The following THADA variants were observed in gnomAD, a reference collection of about 807,000 sequenced individuals.
The protein encoded by THADA is tRNA (32-2'-O)-methyltransferase regulator THADA.
In THADA, 213 loss-of-function variants were observed where a neutral mutation model predicts 219.8. The ratio of observed to expected loss-of-function variants is 0.97; its 90% confidence interval spans 0.87 to 1.09. The LOEUF is 1.09. THADA is among the 50% of genes least tolerant of loss of function. The probability of loss-of-function intolerance (pLI) is 0.00; values close to 1 mark genes in which losing one functional copy is unlikely to be tolerated. For missense variants in THADA, 2,956 were observed against 2,311.3 expected, an observed-to-expected ratio of 1.28 and a Z score of -5.72; for synonymous variants, 1,018 against 828.9, an observed-to-expected ratio of 1.23 and a Z score of -3.92.
intron 21 of THADA, among the ~76,000 whole-genome samples, chr2:43,528,491 G>A (rs1037432637): frequency 3.9e-5 from 6 of 151,984 alleles, no homozygotes; most frequent in African/African-American, 7.3e-5. Context: ...CATGAAATAA[G>A]TACGATCATT....
In THADA at chr2:43,535,168, C is replaced by CTTTTTTT. The variant is rs549879408; in HGVS notation, c.3264+5984_3264+5990dup. Reference sequence around the variant, plus strand: ...GAAATGTCTGTTCAGATCATTTGTCCTTTTTTTTTTTTTTTTTTTTTTTTT... The same window carrying CTTTTTTT: ...GAAATGTCTGTTCAGATCATTTGTCCTTTTTTTTTTTTTTTTTTTTTTTTTTTTTTTT... On this transcript the variant is annotated intron_variant, in intron 21 of 37. Transcript: ENST00000405975. Among the ~76,000 whole-genome samples, 270 of 52,510 alleles carry CTTTTTTT rather than the reference C, an allele frequency of 5.1e-3. 1 individual carries two copies. Among genetic ancestry groups the CTTTTTTT allele is most frequent in the Non-Finnish European group, 6.1e-3 (180 of 29,468 alleles). 34.4% of individuals were successfully genotyped at this position (52,510 alleles called of 152,430 possible).
At chr2:43,419,956 T>C (rs749196364) in intron 28 of THADA, among the ~76,000 whole-genome samples, 14 of 152,264 alleles carry the variant, frequency 9.2e-5, no homozygotes, top group Non-Finnish European at 2.1e-4. Flanking sequence ...CCATTTATTT[T>C]GTGAATTTCC....
intron 26 of THADA, among the ~76,000 whole-genome samples, chr2:43,443,464 G>A (rs1246222720): frequency 1.3e-5 from 2 of 152,126 alleles, no homozygotes; most frequent in African/African-American, 2.4e-5. Flanking sequence ...CTAGTTCACC[G>A]AAACAAGCAA....
At chr2:43,567,773 G>A (rs1291689728) in intron 14 of THADA, among the ~76,000 whole-genome samples, 11 of 152,230 alleles carry the variant, frequency 7.2e-5, no homozygotes, top group Admixed American at 5.9e-4. Context: ...CTAGTGCTGA[G>A]CACACTATCC....
intron 20 of THADA, 41 bp from the exon 21 acceptor site, chr2:43,541,357 T>G: frequency 2.5e-6 from 4 of 1,604,044 alleles, no homozygotes; most frequent in South Asian, 1.1e-5. Flanking sequence ...CCTTGATTAC[T>G]CATATCCCAG....
chr2:43,586,115 A>G lies in THADA; in HGVS notation c.533+286T>C, dbSNP rs1700996719. 2.0e-5 allele frequency among the ~76,000 whole-genome samples: 3 copies of G among 152,020 alleles called. No individual in the cohort carries two copies. In the South Asian group the frequency reaches 6.2e-4, roughly 32 times the overall value. Reference sequence around the variant, plus strand: ...CTCTGTCTCCAAAAAAATAAAAAAAACTATCTGGGTGTGGTGGTGCATGCC... The same window carrying G: ...CTCTGTCTCCAAAAAAATAAAAAAAGCTATCTGGGTGTGGTGGTGCATGCC... On this transcript the variant is annotated intron_variant, in intron 7 of 37. Transcript: ENST00000405975.
At chr2:43,408,925 G>A (rs758447488) in intron 28 of THADA, among the ~76,000 whole-genome samples, 3 of 152,152 alleles carry the variant, frequency 2.0e-5, no homozygotes, top group Non-Finnish European at 4.4e-5. Flanking sequence ...TTGAGCCTCT[G>A]TGGAGTTGGA....
chr2:43,574,291 GCAT>G, intron 11 of THADA, 42 bp downstream of exon 11: 2 of 1,305,552 alleles, frequency 1.5e-6, no homozygotes, highest in South Asian at 1.6e-5. Context: ...CTACATTTAA[GCAT>G]CATAATTAGA....
chr2:43,487,641 G>C (rs1460089061), intron 25 of THADA, among the ~76,000 whole-genome samples: 1 of 152,160 alleles, frequency 6.6e-6, no homozygotes, highest in African/African-American at 2.4e-5. Flanking sequence ...GGTGGTGGAG[G>C]CCCTTGGGAA....
At chr2:43,270,031 C>T (rs1671949619) in intron 36 of THADA, among the ~76,000 whole-genome samples, 1 of 152,296 alleles carries the variant, frequency 6.6e-6, no homozygotes, top group African/African-American at 2.4e-5. Context: ...CCTTACCCCA[C>T]ACCACCCCAT....
intron 36 of THADA, among the ~76,000 whole-genome samples, chr2:43,239,965 G>C (rs1003545793): frequency 3.9e-5 from 6 of 152,238 alleles, no homozygotes; most frequent in Admixed American, 2.0e-4. Context: ...AAACCACCCA[G>C]AAAACCACTC....
chr2:43,462,491 C>G (rs1414291646), intron 26 of THADA, among the ~76,000 whole-genome samples: 1 of 152,026 alleles, frequency 6.6e-6, no homozygotes, highest in Non-Finnish European at 1.5e-5. Context: ...GTTTCAATTT[C>G]AAACTAAAAT....
chr2:43,531,761 G>C (rs555413569), intron 21 of THADA, among the ~76,000 whole-genome samples: 1 of 152,190 alleles, frequency 6.6e-6, no homozygotes, highest in South Asian at 2.1e-4. Flanking sequence ...TTCTATTTAA[G>C]GTTCACAAAA....
intron 21 of THADA, among the ~76,000 whole-genome samples, chr2:43,530,817 T>G (rs569008369): frequency 5.9e-5 from 9 of 152,324 alleles, no homozygotes; most frequent in Admixed American, 2.0e-4. Context: ...CTCAGAAGTA[T>G]GACCAGTGGG....
chr2:43,481,187 C>G (rs1204573819), intron 26 of THADA, among the ~76,000 whole-genome samples: 1 of 152,178 alleles, frequency 6.6e-6, no homozygotes, highest in Non-Finnish European at 1.5e-5. Flanking sequence ...AAGGATCCTT[C>G]CAGACCTACA....
intron 22 of THADA, among the ~76,000 whole-genome samples, chr2:43,523,688 T>C (rs531621860): frequency 1.3e-5 from 2 of 152,326 alleles, no homozygotes; most frequent in South Asian, 4.1e-4. Flanking sequence ...TACTAGTATT[T>C]AATGACAAAA....
In THADA at chr2:43,252,550, G is replaced by A. The variant is rs148654956; in HGVS notation, c.5297-19668C>T. Among the ~76,000 whole-genome samples, 275 of 152,184 alleles carry A rather than the reference G, an allele frequency of 1.8e-3. 1 individual carries two copies. The highest frequency in any genetic ancestry group is 6.4e-3 in the African/African-American group (265 of 41,502). ...ACACACTATGGCTCCCACATCATAT[G>A]GCCTCTTTAATATTCCTAACACGAC... On this transcript the variant is annotated intron_variant, in intron 36 of 37. Coordinates refer to ENST00000405975, the MANE Select transcript of THADA (RefSeq NM_022065.5).
intron 29 of THADA, among the ~76,000 whole-genome samples, chr2:43,350,880 C>T (rs1668176498): frequency 6.6e-6 from 1 of 152,182 alleles, no homozygotes; most frequent in Non-Finnish European, 1.5e-5. Flanking sequence ...TGTGTTGCTG[C>T]CAGGAAAAGG....
At chr2:43,416,098 T>G (rs762271418) in intron 28 of THADA, among the ~76,000 whole-genome samples, 14 of 152,220 alleles carry the variant, frequency 9.2e-5, no homozygotes, top group Non-Finnish European at 4.4e-5. Flanking sequence ...TAAGTCAATT[T>G]TACTTTTCAT....
Sources: allele counts gnomAD v4.1 joint callset (sites outside exome capture counted in the v4.1 genomes callset), GRCh38; gene constraint gnomAD v4.1.1; transcripts MANE v1.5; gene names NCBI Gene and HGNC (gene_info 2026-07-23, HGNC 2026-07-21).